Variants in DIS3L2 observed in about 807,000 individuals in gnomAD.
DIS3L2 encodes the protein DIS3 like 3'-5' exoribonuclease 2.
A neutral mutation model predicts 97.5 loss-of-function variants in DIS3L2; 34 were observed. The observed-to-expected ratio is 0.35, with a 90% CI of 0.27 to 0.46. The LOEUF (loss-of-function observed/expected upper bound fraction) is 0.46. Ranked by LOEUF, DIS3L2 falls within the 20% of genes least tolerant of loss-of-function variation. The pLI is 1.00. For synonymous variants in DIS3L2, 435 were observed against 445.2 expected (o/e 0.98, Z 0.29); for missense variants, 1,038 against 1,146.0 (o/e 0.91, Z 1.36).
intron 9 of DIS3L2, among the ~76,000 whole-genome samples, chr2:232,175,871 C>A (rs1691136964): frequency 6.6e-6 from 1 of 151,930 alleles, no homozygotes; most frequent in Non-Finnish European, 1.5e-5. Context: ...AAGTCCTCTG[C>A]AGTTTATCTT....
At chr2:232,270,804 T>C (rs376525014) in intron 13 of DIS3L2, among the ~76,000 whole-genome samples, 10 of 152,326 alleles carry the variant, frequency 6.6e-5, no homozygotes, top group African/African-American at 2.2e-4. Context: ...GAAACATCTG[T>C]CAGGAGTTCT....
At chr2:231,968,229 C>T (rs780914704) in intron 1 of DIS3L2, among the ~76,000 whole-genome samples, 2 of 152,000 alleles carry the variant, frequency 1.3e-5, no homozygotes, top group Non-Finnish European at 2.9e-5. Flanking sequence ...TCCCCAGTAG[C>T]TGGGACTACA....
Position 232,325,201 on chromosome 2 carries a change from G to A in DIS3L2, c.1740-4612G>A, listed in dbSNP as rs1375943979. Among the ~76,000 whole-genome samples, 1 of 152,252 alleles carries A rather than the reference G, an allele frequency of 6.6e-6. No individual in the cohort carries two copies. Among genetic ancestry groups the A allele is most frequent in the Non-Finnish European group, 1.5e-5 (1 of 68,050 alleles). Reference sequence around the variant, plus strand: ...GATGCGACAGAAACAGGTCCCACCTGAGCCAGCAGGAATGCGGCACCCAGT... The same window carrying A: ...GATGCGACAGAAACAGGTCCCACCTAAGCCAGCAGGAATGCGGCACCCAGT... On this transcript the variant is annotated intron_variant, in intron 14 of 20. Coordinates refer to ENST00000325385, the MANE Select transcript of DIS3L2 (RefSeq NM_152383.5). The surrounding 1 kb of genome is among the most constrained non-coding windows in gnomAD (Gnocchi z 4.6).
chr2:231,967,960 A>G (rs1236608855), intron 1 of DIS3L2, among the ~76,000 whole-genome samples: 1 of 152,208 alleles, frequency 6.6e-6, no homozygotes, highest in East Asian at 1.9e-4. Context: ...TATAAACTCT[A>G]AAGTGTACAG....
intron 11 of DIS3L2, among the ~76,000 whole-genome samples, chr2:232,244,431 AG>A (rs1693190926): frequency 1.3e-5 from 2 of 152,232 alleles, no homozygotes; most frequent in South Asian, 4.1e-4. Context: ...AAATGTAGTC[AG>A]TGGAACAGGT....
chr2:232,318,604 C>T (rs768382871), intron 14 of DIS3L2, among the ~76,000 whole-genome samples: 4 of 152,134 alleles, frequency 2.6e-5, no homozygotes, highest in South Asian at 2.1e-4. Context: ...GTGAGCACCC[C>T]GCATGGGAAG....
chr2:232,085,020 C>T (rs1316828659), intron 5 of DIS3L2, among the ~76,000 whole-genome samples: 2 of 152,094 alleles, frequency 1.3e-5, no homozygotes, highest in African/African-American at 4.8e-5. Flanking sequence ...ATAACTTTTT[C>T]TCTCTTGTAT....
chr2:232,115,317 AAAAC>A (rs931561829), intron 6 of DIS3L2, among the ~76,000 whole-genome samples: 48 of 152,206 alleles, frequency 3.2e-4, no homozygotes, highest in African/African-American at 1.1e-3. Context: ...AAAAAAAAGA[AAAAC>A]AAACCTAATT....
chr2:232,342,818 G>A (rs920171685), intron 13 of DIS3L2, among the ~76,000 whole-genome samples: 1 of 152,234 alleles, frequency 6.6e-6, no homozygotes, highest in South Asian at 2.1e-4. Flanking sequence ...CCAGGGTGAG[G>A]GGCCAGTCCC....
chr2:232,053,267 T>C (rs1227734073), intron 5 of DIS3L2, among the ~76,000 whole-genome samples: 2 of 152,234 alleles, frequency 1.3e-5, no homozygotes, highest in African/African-American at 2.4e-5. Flanking sequence ...TTAGAAAATA[T>C]GTTGGTGTCA....
intron 10 of DIS3L2, among the ~76,000 whole-genome samples, chr2:232,227,862 A>T (rs1473883169): frequency 6.6e-6 from 1 of 152,224 alleles, no homozygotes; most frequent in African/African-American, 2.4e-5. Context: ...TAGGCATTTT[A>T]ATACACATAG....
At chr2:232,116,801 A>G (rs1348890616) in intron 6 of DIS3L2, among the ~76,000 whole-genome samples, 2 of 147,596 alleles carry the variant, frequency 1.4e-5, no homozygotes, top group Non-Finnish European at 3.0e-5. Flanking sequence ...GTTTTCAGAT[A>G]ATGCTTAAAA....
intron 1 of DIS3L2, among the ~76,000 whole-genome samples, chr2:231,990,116 T>C (rs907593037): frequency 6.6e-6 from 1 of 152,146 alleles, no homozygotes; most frequent in African/African-American, 2.4e-5. Context: ...TCCTTTTATT[T>C]GATATTTGGA....
chr2:232,127,788 C>G (rs1021798127), intron 6 of DIS3L2, among the ~76,000 whole-genome samples: 5 of 152,136 alleles, frequency 3.3e-5, no homozygotes. Context: ...TGCCTTTACC[C>G]TTTCCTGTGT....
At chr2:231,975,440 C>A (rs1408853701) in intron 1 of DIS3L2, among the ~76,000 whole-genome samples, 1 of 151,888 alleles carries the variant, frequency 6.6e-6, no homozygotes, top group African/African-American at 2.4e-5. Flanking sequence ...CCATGGCTCA[C>A]GCCTGTAATC....
At chr2:232,236,643 A>G (rs939889953) in intron 10 of DIS3L2, among the ~76,000 whole-genome samples, 4 of 152,198 alleles carry the variant, frequency 2.6e-5, no homozygotes, top group African/African-American at 4.8e-5. Context: ...TCATTTATCA[A>G]TACAACAAGT....
intron 11 of DIS3L2, among the ~76,000 whole-genome samples, chr2:232,245,858 A>G (rs1458434842): frequency 6.6e-6 from 1 of 152,222 alleles, no homozygotes. Flanking sequence ...TACTTAAAAT[A>G]CTAGTTGTTT....
intron 2 of DIS3L2, among the ~76,000 whole-genome samples, 185 bp from the exon 3 acceptor site, chr2:232,015,329 G>A (rs1268803027): frequency 6.6e-6 from 1 of 152,104 alleles, no homozygotes; most frequent in Non-Finnish European, 1.5e-5. Context: ...AGTCTCATCT[G>A]TGTATATTTT....
intron 10 of DIS3L2, among the ~76,000 whole-genome samples, chr2:232,226,784 CA>C (rs1293519242): frequency 2.0e-5 from 3 of 152,100 alleles, no homozygotes; most frequent in Admixed American, 2.0e-4. Context: ...CCAGCCTGGG[CA>C]TAGTGAGACC....
Sources: gnomAD v4.1 joint callset for allele counts (sites outside exome capture counted in the v4.1 genomes callset) on GRCh38, gnomAD v4.1.1 for gene constraint, Gnocchi (gnomAD v3.1) non-coding constraint, MANE v1.5 for transcripts, NCBI Gene and HGNC (gene_info 2026-07-23, HGNC 2026-07-21) for gene names.